Variants in LDAH observed in about 807,000 individuals in gnomAD.
The protein encoded by LDAH is lipid droplet-associated hydrolase.
In LDAH, 26 loss-of-function variants were observed where a neutral mutation model predicts 29.6. That is an observed-to-expected ratio of 0.88 (90% CI 0.64 to 1.22). LDAH has a LOEUF of 1.22. Among genes scored for constraint, LDAH ranks in the 50% most tolerant of loss-of-function variants. LDAH has a pLI of 0.00. For synonymous variants in LDAH, 117 were observed against 133.0 expected (o/e 0.88, Z 0.83); for missense variants, 344 against 387.3 (o/e 0.89, Z 0.94).
chr2:20,686,868 T>G lies in LDAH; in HGVS notation c.*35A>C. 1 of 1,571,124 alleles carries G rather than the reference T, an allele frequency of 6.4e-7. No homozygotes were observed. Among genetic ancestry groups the G allele is most frequent in the Non-Finnish European group, 8.7e-7 (1 of 1,147,726 alleles). On this transcript the variant is annotated 3_prime_UTR_variant, in exon 7 of 7. Coordinates refer to ENST00000237822, the MANE Select transcript of LDAH (RefSeq NM_021925.4). ...AAGTCTAGTACACTGACTGCCTCCATGTACTGGCAGTGGGGGCTTGTTCCT... is the reference window on the plus strand; with the variant it reads ...AAGTCTAGTACACTGACTGCCTCCAGGTACTGGCAGTGGGGGCTTGTTCCT...
At chr2:20,792,748 C>T (rs1288210948) in intron 2 of LDAH, among the ~76,000 whole-genome samples, 1 of 152,008 alleles carries the variant, frequency 6.6e-6, no homozygotes, top group Non-Finnish European at 1.5e-5. Context: ...ATGTAAGTTA[C>T]AATGACACGA....
chr2:20,752,744 G>C (rs771728334), intron 4 of LDAH, among the ~76,000 whole-genome samples: 1 of 152,190 alleles, frequency 6.6e-6, no homozygotes, highest in African/African-American at 2.4e-5. Flanking sequence ...CAGTATCACT[G>C]GGCTGAAATA....
At chr2:20,707,751 G>A (rs781546976) in intron 5 of LDAH, among the ~76,000 whole-genome samples, 16 of 152,208 alleles carry the variant, frequency 1.1e-4, no homozygotes, top group South Asian at 2.1e-4. Flanking sequence ...ACCAGAGAAC[G>A]TCACAACCAA....
At chr2:20,779,727 TGTGA>T (rs752087616) in intron 3 of LDAH, among the ~76,000 whole-genome samples, 28 of 152,298 alleles carry the variant, frequency 1.8e-4, no homozygotes, top group South Asian at 8.3e-4. Flanking sequence ...AACTGTCAAT[TGTGA>T]GTAATAGAAA....
rs1389324376 is a variant in LDAH at position 20,708,073 on chromosome 2, C to T, written c.704-6421G>A. 2.6e-5 allele frequency among the ~76,000 whole-genome samples: 4 copies of T among 152,244 alleles called. No homozygotes were observed. The South Asian group carries it at 6.2e-4, about 24-fold the overall frequency. On this transcript the variant is annotated intron_variant, in intron 5 of 6. Transcript: ENST00000237822. ...CAGGAAAAGAAGCTCAGGGCTCCCT[C>T]CCACTTTTCTACATTATGGTGAGTT...
intron 4 of LDAH, among the ~76,000 whole-genome samples, chr2:20,748,691 G>A (rs1443845930): frequency 1.3e-5 from 2 of 152,180 alleles, no homozygotes; most frequent in Non-Finnish European, 2.9e-5. Flanking sequence ...TCTCCAGGTA[G>A]CCTCAGAATT....
chr2:20,756,809 G>A (rs1341504921), intron 4 of LDAH, among the ~76,000 whole-genome samples: 3 of 152,204 alleles, frequency 2.0e-5, no homozygotes, highest in Non-Finnish European at 2.9e-5. Context: ...AAGTATGCCA[G>A]TTTCTGGATT....
chr2:20,814,905 T>A (rs1166079157), intron 1 of LDAH, among the ~76,000 whole-genome samples: 1 of 152,118 alleles, frequency 6.6e-6, no homozygotes, highest in Admixed American at 6.6e-5. Flanking sequence ...TAACAAGGAA[T>A]TACCTGAGAC....
downstream of LDAH, among the ~76,000 whole-genome samples, chr2:20,683,792 T>C (rs1662380764): frequency 6.6e-6 from 1 of 152,154 alleles, no homozygotes; most frequent in Non-Finnish European, 1.5e-5. Flanking sequence ...TACCATTTTA[T>C]AGAGAATCCA....
chr2:20,713,763 C>G (rs1442795357), intron 5 of LDAH, among the ~76,000 whole-genome samples: 1 of 151,998 alleles, frequency 6.6e-6, no homozygotes, highest in East Asian at 1.9e-4. Flanking sequence ...GACTTTAAAC[C>G]AACAAAGATC....
chr2:20,720,641 C>G (rs975095774), intron 5 of LDAH, among the ~76,000 whole-genome samples: 4 of 151,642 alleles, frequency 2.6e-5, no homozygotes, highest in African/African-American at 9.7e-5. Flanking sequence ...GTATGGAATC[C>G]CAAAAGACGC....
At chr2:20,771,290 A>C (rs565541735) in intron 4 of LDAH, among the ~76,000 whole-genome samples, 7 of 152,236 alleles carry the variant, frequency 4.6e-5, no homozygotes, top group African/African-American at 7.2e-5. Context: ...AAATAAAACT[A>C]AATAAACCAG....
rs142607626 is a variant in LDAH, at chr2:20,802,567, C to A, written c.-2-1102G>T. Among the ~76,000 whole-genome samples, 340 of 152,274 alleles carry A rather than the reference C, an allele frequency of 2.2e-3. 2 individuals carry two copies. Among genetic ancestry groups the A allele is most frequent in the African/African-American group, 8.0e-3 (331 of 41,562 alleles). ...CACCAAATCTCAAACCTTCATTGGT[C>A]TTTCTGTCTTTCTCTTCCCCTCTCT... On this transcript the variant is annotated intron_variant, in intron 1 of 6. Transcript: ENST00000237822.
At chr2:20,755,963 T>C (rs560791167) in intron 4 of LDAH, among the ~76,000 whole-genome samples, 1 of 152,216 alleles carries the variant, frequency 6.6e-6, no homozygotes, top group African/African-American at 2.4e-5. Flanking sequence ...AATTACCCTG[T>C]AGTACAGCTG....
intron 3 of LDAH, chr2:20,789,240 G>A: frequency 6.4e-7 from 1 of 1,550,558 alleles, no homozygotes; most frequent in Non-Finnish European, 8.7e-7. Context: ...GGGTCTTTGG[G>A]AAGTAATTAG....
rs566498971 is a variant in LDAH at position 20,763,876 on chromosome 2, T to C, written c.468+10934A>G. Among the ~76,000 whole-genome samples, 4 of 152,370 alleles carry C rather than the reference T, an allele frequency of 2.6e-5. No individual in the cohort carries two copies. In the South Asian group the frequency reaches 6.2e-4, roughly 24 times the overall value. On this transcript the variant is annotated intron_variant, in intron 4 of 6. Transcript: ENST00000237822. ...ATTAACATGCATGAAGAATGTTCTA[T>C]TATAAACCCGTTTTCACTTTCTTGC...
chr2:20,740,198 C>A lies in LDAH; in HGVS notation c.476G>T (p.Arg159Leu). 6.2e-7 allele frequency: 1 copy of A among 1,610,396 alleles called. No homozygotes were observed. Among genetic ancestry groups the A allele is most frequent in the Non-Finnish European group, 8.5e-7 (1 of 1,176,754 alleles). Reference protein sequence around the residue: ...LKRVPELPVIRAFLLFPTIER... With the variant: ...LKRVPELPVILAFLLFPTIER... ...AATTGTTGGAAAGAGCAGAAAGGCACGAATTACCTGCAATAAAGAAGCATA... is the reference window on the plus strand; with the variant it reads ...AATTGTTGGAAAGAGCAGAAAGGCAAGAATTACCTGCAATAAAGAAGCATA... Residue 159 changes from arginine to leucine, a missense_variant, in exon 5 of 7, where the codon CGT becomes CTT. Transcript: ENST00000237822.
chr2:20,711,351 C>T (rs1427050406), intron 5 of LDAH, among the ~76,000 whole-genome samples: 1 of 150,956 alleles, frequency 6.6e-6, no homozygotes, highest in East Asian at 1.9e-4. Context: ...CGCCACTGCA[C>T]TCTAGCCTCG....
chr2:20,756,712 AT>A (rs1227919449), intron 4 of LDAH, among the ~76,000 whole-genome samples: 1 of 152,200 alleles, frequency 6.6e-6, no homozygotes, highest in African/African-American at 2.4e-5. Context: ...GGAAAAGAAA[AT>A]AAATCAAGAA....
Sources: gnomAD v4.1 joint callset for allele counts (sites outside exome capture counted in the v4.1 genomes callset) on GRCh38, gnomAD v4.1.1 for gene constraint, MANE v1.5 for transcripts, NCBI Gene and HGNC (gene_info 2026-07-23, HGNC 2026-07-21) for gene names.